The following AFDN variants were observed in gnomAD, a reference collection of about 807,000 sequenced individuals.
The protein encoded by AFDN is afadin, adherens junction formation factor.
AFDN carries 68 observed loss-of-function variants against 216.6 expected under a neutral mutation model. That is an observed-to-expected ratio of 0.31 (90% confidence interval 0.26 to 0.38). The LOEUF (loss-of-function observed/expected upper bound fraction) is 0.38. AFDN is among the 10% of genes least tolerant of loss of function. AFDN has a pLI of 1.00. For synonymous variants in AFDN, 868 were observed against 853.7 expected (o/e 1.02, Z -0.29); for missense variants, 2,136 against 2,342.0 (o/e 0.91, Z 1.82).
intron 21 of AFDN, among the ~76,000 whole-genome samples, chr6:167,921,746 A>G (rs1337808842): frequency 6.6e-6 from 1 of 152,190 alleles, no homozygotes; most frequent in Non-Finnish European, 1.5e-5. Context: ...GAAACATGAG[A>G]AAGAGAAGCA....
intron 27 of AFDN, among the ~76,000 whole-genome samples, chr6:167,947,395 G>A (rs560961917): frequency 6.6e-6 from 1 of 152,080 alleles, no homozygotes; most frequent in Non-Finnish European, 1.5e-5. Flanking sequence ...TAGCCAGGAT[G>A]GTCTCGATCT....
intron 1 of AFDN, among the ~76,000 whole-genome samples, chr6:167,828,751 G>GA (rs1779498271): frequency 6.8e-6 from 1 of 147,416 alleles, no homozygotes; most frequent in Non-Finnish European, 1.5e-5. Context: ...TTGGTGTGTA[G>GA]CTTTTTTTTT....
rs960465292 is a variant in AFDN at position 167,919,019 on chromosome 6, A to C, written c.2908+86A>C. The stretch of plus-strand genomic sequence containing the variant: ...CATTGTCCATCTCATAGGGTAGTCC[A>C]CTTGTGTGGGAGTGCACCCTCGTGC... On this transcript the variant is annotated intron_variant, in intron 21 of 33. Transcript: ENST00000683244. 4 of 1,201,668 alleles carry C rather than the reference A, an allele frequency of 3.3e-6. No individual in the cohort carries two copies. In the African/African-American group the frequency reaches 6.1e-5, roughly 18 times the overall value. The allele number at this position is 1,201,668 out of a possible 1,614,324, so 74.4% of individuals were successfully genotyped here. A position where few individuals can be genotyped will look rare whatever the true frequency, so the allele number is the denominator to read the frequency against.
intron 13 of AFDN, 149 bp from the exon 14 acceptor site, chr6:167,910,952 A>G (rs1790305345): frequency 1.5e-6 from 1 of 674,304 alleles, no homozygotes; most frequent in Admixed American, 2.9e-5. Context: ...TGATTAGGCT[A>G]CATCTGAAAA....
rs1562633739 is a variant in AFDN at position 167,898,439 on chromosome 6, ATGG to A, written c.1554_1556del (p.Met518_Val519delinsIle). The A allele has an allele frequency of 6.2e-7, 1 of 1,614,238 alleles. No homozygotes were observed. The highest frequency in any genetic ancestry group is 2.2e-5 in the East Asian group (1 of 44,882). ...AAAAAGATCTGTGGATGGAGGCCTG[ATGG>A]TTAAGGGCCCAAGACATAAACCTGG... is the stretch of plus-strand genomic sequence containing the variant. On this transcript the variant is annotated inframe_deletion, in exon 11 of 34. Coordinates refer to ENST00000683244, the MANE Select transcript of AFDN (RefSeq NM_001386888.1).
chr6:167,962,631 G>T lies in AFDN; in HGVS notation c.4968+64G>T. On this transcript the variant is annotated intron_variant, in intron 31 of 33. Coordinates refer to ENST00000683244, the MANE Select transcript of AFDN (RefSeq NM_001386888.1). The surrounding 1 kb of genome is among the most constrained non-coding windows in gnomAD (Gnocchi z 5.2). ...TAGCCTGAACGTAATCGATTGGCTG[G>T]GGCAGAGCGGGCTGGAAGTTCTGTG... 2 of 1,605,866 alleles carry T rather than the reference G, an allele frequency of 1.2e-6. No homozygotes were observed. Among genetic ancestry groups the T allele is most frequent in the Non-Finnish European group, 1.7e-6 (2 of 1,173,472 alleles).
intron 26 of AFDN, among the ~76,000 whole-genome samples, chr6:167,946,377 T>C (rs777647110): frequency 7.9e-5 from 12 of 152,112 alleles, no homozygotes; most frequent in Non-Finnish European, 1.6e-4. Flanking sequence ...CAGATATTTT[T>C]CTACAAAGTC....
intron 31 of AFDN, chr6:167,963,127 G>A: frequency 9.4e-7 from 1 of 1,067,352 alleles, no homozygotes; most frequent in Non-Finnish European, 1.1e-6. Context: ...ATGTGTGTGT[G>A]TGTGTTTAAA....
intron 1 of AFDN, 181 bp from the exon 2 acceptor site, chr6:167,864,370 A>G (rs374568925): frequency 7.8e-6 from 6 of 769,776 alleles, no homozygotes; most frequent in Non-Finnish European, 1.2e-5. Flanking sequence ...ATTGTTAGTA[A>G]CTTGTTCAAA....
intron 23 of AFDN, among the ~76,000 whole-genome samples, chr6:167,933,974 A>G (rs578130110): frequency 6.6e-6 from 1 of 152,310 alleles, no homozygotes; most frequent in African/African-American, 2.4e-5. Flanking sequence ...TGCACAGGCC[A>G]GGACTCTGGG....
intron 1 of AFDN, among the ~76,000 whole-genome samples, chr6:167,858,653 A>G (rs1217548366): frequency 6.6e-6 from 1 of 152,196 alleles, no homozygotes; most frequent in African/African-American, 2.4e-5. Context: ...TTCAGACAAA[A>G]ATTTAACGAA....
In AFDN at chr6:167,965,927, C is replaced by T. The variant is rs111404911; in HGVS notation, c.5139C>T (p.Pro1713=). Residue 1713 remains proline, a synonymous_variant, in exon 32 of 34, where the codon CCC becomes CCT. Transcript: ENST00000683244. ...SPSPAPGAPP[P]PPQRNASYLK... is the part of the protein sequence containing the mutation. ...CCCCCGCGCCCGGCGCCCCTCCTCC[C>T]CCGCCTCAGCGAAACGCCTCCTACC... The T allele has an allele frequency of 6.4e-7, 1 of 1,550,648 alleles. No individual in the cohort carries two copies. The highest frequency in any genetic ancestry group is 8.7e-7 in the Non-Finnish European group (1 of 1,146,840).
At position 167,946,970 on chromosome 6, in the gene AFDN, T is replaced by A. The variant is rs567459662; in HGVS notation, c.3553+69T>A. ...CAGTCTGAAGTGAGAGGAGGCACTT[T>A]GTGGTTTGTTAATTATTAAAATTAT... On this transcript the variant is annotated intron_variant, in intron 27 of 33. Coordinates refer to ENST00000683244, the MANE Select transcript of AFDN (RefSeq NM_001386888.1). The A allele has an allele frequency of 3.8e-5, 52 of 1,362,590 alleles. No homozygotes were observed. In the Admixed American group the frequency reaches 8.7e-4, roughly 23 times the overall value. 84.4% of individuals were successfully genotyped at this position (1,362,590 alleles called of 1,614,324 possible).
intron 22 of AFDN, among the ~76,000 whole-genome samples, chr6:167,924,105 AAAT>A (rs10605234): frequency 0.017 from 2,624 of 152,206 alleles, 78 homozygotes; most frequent in African/African-American, 0.06. Flanking sequence ...TTAAAAAAAA[AAAT>A]AATAATTCTA....
chr6:167,863,343 A>C (rs1783801517), intron 1 of AFDN, among the ~76,000 whole-genome samples: 1 of 152,250 alleles, frequency 6.6e-6, no homozygotes, highest in Non-Finnish European at 1.5e-5. Flanking sequence ...TCTTCAAATA[A>C]GTACTTCTTA....
In AFDN at chr6:167,943,448, G is replaced by T; in HGVS notation, c.3212G>T (p.Arg1071Leu). The T allele has an allele frequency of 6.2e-7, 1 of 1,614,098 alleles. No homozygotes were observed. Among genetic ancestry groups the T allele is most frequent in the Non-Finnish European group, 8.5e-7 (1 of 1,179,960 alleles). Residue 1071 changes from arginine to leucine, a missense_variant, in exon 25 of 34, where the codon CGA becomes CTA. Arg to Leu is a moderately radical substitution (Grantham distance 102, BLOSUM62 -2). This residue lies in a region of AFDN where 74 missense variants were observed against 98.8 expected (regional missense o/e 0.75). Coordinates refer to ENST00000683244, the MANE Select transcript of AFDN (RefSeq NM_001386888.1). ...AGDQLLSVDG[R>L]SLVGLSQERA... ...GATCAGCTCCTCAGTGTGGATGGAC[G>T]AAGTCTGGTTGGACTCTCTCAGGAA...
Position 167,896,865 on chromosome 6 carries a change from T to A in AFDN, c.1223-13T>A. The A allele has an allele frequency of 6.4e-7, 1 of 1,565,324 alleles. No homozygotes were observed. The highest frequency in any genetic ancestry group is 8.8e-7 in the Non-Finnish European group (1 of 1,136,972). On this transcript the variant is annotated splice_polypyrimidine_tract_variant and intron_variant, in intron 9 of 33. Transcript: ENST00000683244. Reference sequence around the variant, plus strand: ...ACTTTGCAAATAGAGCTGTCTTCCTTCTCTTCTCACAGATGGTTCTGACTC... The same window carrying A: ...ACTTTGCAAATAGAGCTGTCTTCCTACTCTTCTCACAGATGGTTCTGACTC...
At chr6:167,846,657 TAAAGA>T (rs972869522) in intron 1 of AFDN, among the ~76,000 whole-genome samples, 4 of 149,632 alleles carry the variant, frequency 2.7e-5, no homozygotes, top group Non-Finnish European at 5.9e-5. Flanking sequence ...AACATCACAG[TAAAGA>T]AAATAATTGA....
rs980946977 is a variant in AFDN at position 167,962,108 on chromosome 6, C to T, written c.4834-325C>T. 6.6e-6 allele frequency among the ~76,000 whole-genome samples: 1 copy of T among 152,116 alleles called. No homozygotes were observed. The highest frequency in any genetic ancestry group is 1.5e-5 in the Non-Finnish European group (1 of 68,030). ...GTTTGAGCCTGTTAATTTACATGAA[C>T]GGGTTAACTAAATTTGTTCCAGTAA... On this transcript the variant is annotated intron_variant, in intron 30 of 33. Coordinates refer to ENST00000683244, the MANE Select transcript of AFDN (RefSeq NM_001386888.1). The surrounding 1 kb of genome is among the most constrained non-coding windows in gnomAD (Gnocchi z 5.2).
Sources: gnomAD v4.1 joint callset for allele counts (sites outside exome capture counted in the v4.1 genomes callset) on GRCh38, gnomAD v4.1.1 for gene constraint, gnomAD v4.1.1 regional missense constraint, Gnocchi (gnomAD v3.1) non-coding constraint, MANE v1.5 for transcripts, NCBI Gene and HGNC (gene_info 2026-07-23, HGNC 2026-07-21) for gene names.